CSMD2: variants seen among roughly 807,000 people sequenced by gnomAD.
CSMD2 encodes CUB and Sushi multiple domains 2, also known as CUB and sushi domain-containing protein 2.
Under a neutral mutation model 398.5 loss-of-function variants are expected in CSMD2, and 130 were observed. The ratio of observed to expected loss-of-function variants is 0.33; its 90% CI spans 0.28 to 0.38. The LOEUF (loss-of-function observed/expected upper bound fraction) is 0.38, where lower values mean the gene tolerates loss of function less well. Among genes scored for constraint, CSMD2 ranks in the 10% least tolerant of loss-of-function variants. CSMD2 has a pLI of 1.00. For missense variants in CSMD2, 3,829 were observed against 4,764.9 expected (o/e 0.80, Z 5.78); for synonymous variants, 1,828 against 1,908.5 (o/e 0.96, Z 1.10).
chr1:33,716,363 T>A lies in CSMD2; in HGVS notation c.3140A>T (p.Tyr1047Phe). The change falls in exon 20 of 71, where the codon TAT (tyrosine) becomes TTT (phenylalanine). Residue 1047 changes from tyrosine to phenylalanine, a missense_variant. Around this residue, in one of 5 missense-constraint regions of CSMD2, gnomAD observed 2,001 missense variants for 2,567.1 expected, o/e 0.78. Coordinates refer to ENST00000373381, the MANE Select transcript of CSMD2 (RefSeq NM_001281956.2). ...GCGGACCTGGGCAGTGAAGTTGCCA[T>A]AGAGCCCAGCGCTGATGGGAGCTGG... Reference protein sequence around the residue: ...RLPAPISAGLYGNFTAQVRFI... With the variant: ...RLPAPISAGLFGNFTAQVRFI... The A allele has an allele frequency of 6.2e-7, 1 of 1,614,098 alleles. No individual in the cohort carries two copies. The highest frequency in any genetic ancestry group is 1.7e-5 in the Admixed American group (1 of 60,020).
At chr1:33,898,710 G>T (rs746750832) in intron 5 of CSMD2, among the ~76,000 whole-genome samples, 13 of 152,284 alleles carry the variant, frequency 8.5e-5, no homozygotes, top group Middle Eastern at 3.4e-3. Context: ...GAGGGACTGA[G>T]GGCATTGAGG....
intron 22 of CSMD2, among the ~76,000 whole-genome samples, chr1:33,707,589 C>T (rs1374884196): frequency 6.6e-6 from 1 of 152,190 alleles, no homozygotes; most frequent in African/African-American, 2.4e-5. Context: ...CAGGCACATC[C>T]AGTCCCAGCC....
At chr1:34,136,043 G>A (rs1249467650) in intron 1 of CSMD2, among the ~76,000 whole-genome samples, 1 of 152,114 alleles carries the variant, frequency 6.6e-6, no homozygotes, top group Non-Finnish European at 1.5e-5. Context: ...GAAGGAGCAA[G>A]CAGGAGAGAG....
chr1:33,600,270 C>A, intron 44 of CSMD2: 1 of 670,452 alleles, frequency 1.5e-6, no homozygotes, highest in Non-Finnish European at 2.7e-6. Context: ...TGCATCATTC[C>A]ATAGATAGGC....
At chr1:33,877,230 T>C (rs1640901209) in intron 5 of CSMD2, among the ~76,000 whole-genome samples, 1 of 152,074 alleles carries the variant, frequency 6.6e-6, no homozygotes, top group Non-Finnish European at 1.5e-5. Context: ...TGACTCAGCA[T>C]TGCCTCTTCC....
Position 33,819,779 on chromosome 1 carries a change from G to A in CSMD2, c.1258C>T (p.Arg420Trp), listed in dbSNP as rs762690481. The A allele has an allele frequency of 9.9e-6, 16 of 1,613,942 alleles. No individual in the cohort carries two copies. The highest frequency in any genetic ancestry group is 3.3e-5 in the South Asian group (3 of 91,086). The change falls in exon 9 of 71, where the codon CGG becomes TGG. Residue 420 changes from arginine to tryptophan, a missense_variant. By Grantham distance (101) the Arg-to-Trp change is moderately radical (BLOSUM62 -3). This residue lies in a region of CSMD2 where 2,001 missense variants were observed against 2,567.1 expected (regional missense o/e 0.78). Coordinates refer to ENST00000373381, the MANE Select transcript of CSMD2 (RefSeq NM_001281956.2). ...NEGYDLQGSK[R>W]ITCMKVSDMF... ...TCGCTCACTTTCATACAGGTGATCC[G>A]CTTGGACCCTTGCAGGTCATAGCCC... is the stretch of plus-strand genomic sequence containing the variant.
intron 13 of CSMD2, 56 bp downstream of exon 13, chr1:33,772,513 A>G (rs962300758): frequency 6.5e-7 from 1 of 1,538,248 alleles, no homozygotes; most frequent in African/African-American, 1.4e-5. Context: ...TAGCTAGGAA[A>G]CGGGCCCCTG....
rs1653857027 is a variant in CSMD2 at position 33,788,726 on chromosome 1, G to T, written c.1551-14C>A. 3.4e-6 allele frequency: 5 copies of T among 1,485,542 alleles called. No homozygotes were observed. Among genetic ancestry groups the T allele is most frequent in the Non-Finnish European group, 4.7e-6 (5 of 1,062,884 alleles). 92.0% of individuals were successfully genotyped at this position (1,485,542 alleles called of 1,614,324 possible). Reference sequence around the variant, plus strand: ...GTACCTGTCAGGCTGGCAGGAGAGAGATATTTAGAGGTGTGCTCTCCACCA... The same window carrying T: ...GTACCTGTCAGGCTGGCAGGAGAGATATATTTAGAGGTGTGCTCTCCACCA... On this transcript the variant is annotated splice_polypyrimidine_tract_variant and intron_variant, in intron 11 of 70. Coordinates refer to ENST00000373381, the MANE Select transcript of CSMD2 (RefSeq NM_001281956.2).
Position 34,081,824 on chromosome 1 carries a change from C to A in CSMD2, c.404+7153G>T, listed in dbSNP as rs548561173. Among the ~76,000 whole-genome samples the A allele has an allele frequency of 2.6e-5, 4 of 152,230 alleles. No individual in the cohort carries two copies. In the South Asian group the frequency reaches 6.2e-4, roughly 24 times the overall value. ...TGCCGCCTCTGCATGGCCGCCACCC[C>A]GTCTAGGAAGTGAGGAGCGTCTCTA... On this transcript the variant is annotated intron_variant, in intron 2 of 70. Coordinates refer to ENST00000373381, the MANE Select transcript of CSMD2 (RefSeq NM_001281956.2).
At chr1:33,621,984 G>A (rs557632290) in intron 37 of CSMD2, among the ~76,000 whole-genome samples, 183 bp downstream of exon 37, 12 of 152,164 alleles carry the variant, frequency 7.9e-5, no homozygotes, top group Admixed American at 2.0e-4. Flanking sequence ...ACACTTGGAC[G>A]AGAACACAGC....
At chr1:33,669,855 T>C (rs775689397) in intron 25 of CSMD2, among the ~76,000 whole-genome samples, 12 of 152,130 alleles carry the variant, frequency 7.9e-5, no homozygotes, top group Non-Finnish European at 1.5e-4. Flanking sequence ...GACCATGTGA[T>C]GGAGGCACAG....
intron 29 of CSMD2, among the ~76,000 whole-genome samples, chr1:33,643,314 C>T (rs1643218063): frequency 6.6e-6 from 1 of 152,196 alleles, no homozygotes; most frequent in African/African-American, 2.4e-5. Context: ...TTATAAATAT[C>T]CCACACTTAT....
intron 1 of CSMD2, among the ~76,000 whole-genome samples, chr1:34,094,847 C>G (rs1326223314): frequency 6.6e-6 from 1 of 150,456 alleles, no homozygotes; most frequent in Admixed American, 6.6e-5. Flanking sequence ...TTAGACAGAT[C>G]AACGAGACAG....
chr1:33,595,029 A>C (rs950871434), intron 44 of CSMD2, among the ~76,000 whole-genome samples: 1 of 152,206 alleles, frequency 6.6e-6, no homozygotes, highest in Admixed American at 6.5e-5. Context: ...ACCACAAAAC[A>C]ACCATCAACA....
chr1:33,969,614 G>GT (rs1645682144), intron 3 of CSMD2, among the ~76,000 whole-genome samples: 1 of 152,198 alleles, frequency 6.6e-6, no homozygotes, highest in South Asian at 2.1e-4. Context: ...GAAAGTTAAG[G>GT]TTTTGAGAGT....
chr1:33,727,053 C>T (rs1646558262), intron 15 of CSMD2, among the ~76,000 whole-genome samples: 2 of 152,174 alleles, frequency 1.3e-5, no homozygotes, highest in African/African-American at 4.8e-5. Context: ...CACATCTGGC[C>T]CTGGAGAAGG....
intron 32 of CSMD2, among the ~76,000 whole-genome samples, chr1:33,630,443 G>C (rs1231068240): frequency 6.6e-6 from 1 of 152,158 alleles, no homozygotes; most frequent in South Asian, 2.1e-4. Context: ...ACTAACTTTA[G>C]GAGGTAGGAC....
At chr1:34,159,817 C>A (rs1344771862) in intron 1 of CSMD2, among the ~76,000 whole-genome samples, 1 of 152,198 alleles carries the variant, frequency 6.6e-6, no homozygotes. Context: ...TGGGGAAGGA[C>A]ATGGTGAGGG....
chr1:33,925,427 T>C (rs928195533), intron 4 of CSMD2, among the ~76,000 whole-genome samples: 11 of 152,222 alleles, frequency 7.2e-5, no homozygotes, highest in Non-Finnish European at 1.6e-4. Context: ...ACTAATACCA[T>C]CCTGTTTTGG....
Sources: gnomAD v4.1 joint callset for allele counts (sites outside exome capture counted in the v4.1 genomes callset) on GRCh38, gnomAD v4.1.1 for gene constraint, gnomAD v4.1.1 regional missense constraint, MANE v1.5 for transcripts, NCBI Gene and HGNC (gene_info 2026-07-23, HGNC 2026-07-21) for gene names.